The following BICC1 variants were observed in gnomAD, a reference collection of about 807,000 sequenced individuals.
BICC1 encodes BicC family RNA binding protein 1.
BICC1 carries 43 observed loss-of-function variants against 111.0 expected under a neutral mutation model. The ratio of observed to expected loss-of-function variants is 0.39; its 90% CI spans 0.30 to 0.50. The LOEUF (loss-of-function observed/expected upper bound fraction) is 0.50, where lower values mean the gene tolerates loss of function less well. Ranked by LOEUF, BICC1 falls within the 20% of genes least tolerant of loss-of-function variation. The probability of loss-of-function intolerance (pLI) is 0.88; values close to 1 mark genes in which losing one functional copy is unlikely to be tolerated. For missense variants in BICC1, 1,091 were observed against 1,203.2 expected, an observed-to-expected ratio of 0.91 and a Z score of 1.38; for synonymous variants, 467 against 434.4, an observed-to-expected ratio of 1.07 and a Z score of -0.93.
chr10:58,755,407 CCA>C (rs1477491762), intron 3 of BICC1, among the ~76,000 whole-genome samples: 1 of 152,204 alleles, frequency 6.6e-6, no homozygotes, highest in Non-Finnish European at 1.5e-5. Context: ...TGGTGGACAA[CCA>C]GAGTTCTTCA....
At chr10:58,630,866 T>A (rs1338811973) in intron 2 of BICC1, among the ~76,000 whole-genome samples, 1 of 152,228 alleles carries the variant, frequency 6.6e-6, no homozygotes, top group Non-Finnish European at 1.5e-5. Flanking sequence ...AAGGTATTTC[T>A]GTCAAATCTG....
rs1843729151 is a variant in BICC1, at chr10:58,807,006, A to G, written c.2224A>G (p.Met742Val). 6.2e-7 allele frequency: 1 copy of G among 1,611,712 alleles called. No individual in the cohort carries two copies. Among genetic ancestry groups the G allele is most frequent in the Non-Finnish European group, 8.5e-7 (1 of 1,179,120 alleles). Residue 742 changes from methionine (M) to valine (V), a missense_variant and splice_region_variant, in exon 17 of 21, where the codon ATG becomes GTG. Physicochemically the swap from Met to Val is conservative, Grantham distance 21. This residue lies in a region of BICC1 where 17 missense variants were observed against 46.2 expected (regional missense o/e 0.37). Transcript: ENST00000373886. ...TTGGTTTTATTTTGTTTCCAAAGCT[A>G]TGTTAAAGAAACCAGTGGTGACGGA... ...EQKKLLATKA[M>V]LKKPVVTEVR...
chr10:58,670,649 T>G (rs1272827198), intron 2 of BICC1, among the ~76,000 whole-genome samples: 1 of 152,160 alleles, frequency 6.6e-6, no homozygotes, highest in African/African-American at 2.4e-5. Flanking sequence ...AAATAAAGAC[T>G]TGTGGAAAAG....
chr10:58,693,803 C>T (rs1323168027), intron 2 of BICC1, among the ~76,000 whole-genome samples: 3 of 152,074 alleles, frequency 2.0e-5, no homozygotes, highest in African/African-American at 7.2e-5. Flanking sequence ...TTCTCCCATT[C>T]TGTAGGTTGC....
At chr10:58,629,778 A>G (rs113436782) in intron 2 of BICC1, among the ~76,000 whole-genome samples, 2 of 152,114 alleles carry the variant, frequency 1.3e-5, no homozygotes, top group Non-Finnish European at 2.9e-5. Context: ...TTTCTTAACA[A>G]TGATCTTTGG....
intron 3 of BICC1, among the ~76,000 whole-genome samples, chr10:58,755,035 T>A (rs1222211816): frequency 5.3e-5 from 8 of 152,164 alleles, no homozygotes; most frequent in Non-Finnish European, 1.2e-4. Flanking sequence ...CTCTTAAAGT[T>A]CCTTAGTAAA....
At chr10:58,662,618 T>C (rs948194914) in intron 2 of BICC1, among the ~76,000 whole-genome samples, 1 of 152,172 alleles carries the variant, frequency 6.6e-6, no homozygotes, top group African/African-American at 2.4e-5. Context: ...CGTATTACAA[T>C]GAGAAGGGCA....
intron 2 of BICC1, among the ~76,000 whole-genome samples, chr10:58,667,971 T>C (rs544390414): frequency 5.5e-4 from 84 of 152,228 alleles, no homozygotes; most frequent in Non-Finnish European, 5.4e-4. Flanking sequence ...TACCAGATGT[T>C]CAATAAAAGT....
chr10:58,723,686 G>T (rs1217172696), intron 3 of BICC1, among the ~76,000 whole-genome samples: 1 of 152,146 alleles, frequency 6.6e-6, no homozygotes, highest in Non-Finnish European at 1.5e-5. Flanking sequence ...GTCATAATAA[G>T]CTAGAAAACT....
intron 17 of BICC1, among the ~76,000 whole-genome samples, chr10:58,810,299 C>A (rs947844750): frequency 7.9e-5 from 12 of 152,148 alleles, no homozygotes; most frequent in Admixed American, 6.5e-4. Flanking sequence ...CTTGGGCTAG[C>A]CTGCCCCATC....
At chr10:58,722,174 T>G (rs1840958790) in intron 3 of BICC1, among the ~76,000 whole-genome samples, 2 of 152,170 alleles carry the variant, frequency 1.3e-5, no homozygotes, top group African/African-American at 4.8e-5. Flanking sequence ...AGTGAATCCA[T>G]CCGGTTTCCA....
intron 1 of BICC1, among the ~76,000 whole-genome samples, chr10:58,538,968 A>T (rs749879283): frequency 4.6e-5 from 7 of 151,944 alleles, no homozygotes; most frequent in Non-Finnish European, 8.8e-5. Context: ...GAACACTTAT[A>T]CACTGCTGGT....
intron 3 of BICC1, among the ~76,000 whole-genome samples, chr10:58,758,798 C>G (rs1842219048): frequency 6.6e-6 from 1 of 152,028 alleles, no homozygotes; most frequent in Non-Finnish European, 1.5e-5. Flanking sequence ...CTGTTAAGTT[C>G]TGTAAAGTCT....
At chr10:58,738,005 T>C (rs1224769349) in intron 3 of BICC1, among the ~76,000 whole-genome samples, 2 of 152,188 alleles carry the variant, frequency 1.3e-5, no homozygotes, top group Non-Finnish European at 2.9e-5. Flanking sequence ...GTCAGATGAG[T>C]AGATTGCGAA....
intron 3 of BICC1, among the ~76,000 whole-genome samples, chr10:58,702,477 G>C (rs550516014): frequency 9.6e-4 from 145 of 151,800 alleles, no homozygotes; most frequent in African/African-American, 3.3e-3. Flanking sequence ...TATATTTCAG[G>C]GTTCTTTTTT....
chr10:58,794,544 G>A (rs1220268085), intron 9 of BICC1, among the ~76,000 whole-genome samples: 2 of 151,510 alleles, frequency 1.3e-5, no homozygotes, highest in Admixed American at 6.6e-5. Flanking sequence ...TCAGCCTCCC[G>A]AGTAGCTGGG....
intron 2 of BICC1, among the ~76,000 whole-genome samples, chr10:58,670,916 A>G (rs547070953): frequency 2.6e-5 from 4 of 152,284 alleles, no homozygotes; most frequent in African/African-American, 9.6e-5. Context: ...AAAAAGCGTT[A>G]TGCTGGGTGA....
At chr10:58,517,489 G>T (rs2170779) in intron 1 of BICC1, among the ~76,000 whole-genome samples, 2 of 151,920 alleles carry the variant, frequency 1.3e-5, no homozygotes, top group Non-Finnish European at 2.9e-5. Flanking sequence ...TCATGAGAGC[G>T]GGAAGAAATA....
At chr10:58,573,586 C>T (rs1261327165) in intron 1 of BICC1, among the ~76,000 whole-genome samples, 2 of 152,110 alleles carry the variant, frequency 1.3e-5, no homozygotes, top group Admixed American at 1.3e-4. Flanking sequence ...TCTTCAAAGA[C>T]TTTATTAGGC....
Sources: allele counts gnomAD v4.1 joint callset (sites outside exome capture counted in the v4.1 genomes callset), GRCh38; gene constraint gnomAD v4.1.1; regional missense constraint gnomAD v4.1.1; transcripts MANE v1.5; gene names NCBI Gene and HGNC (gene_info 2026-07-23, HGNC 2026-07-21).